AFG2A: variants seen among roughly 807,000 people sequenced by gnomAD.
AFG2A encodes the protein AAA ATPase AFG2A.
chr4:123,211,112 T>G, the AFG2A span, among the ~76,000 whole-genome samples: 1 of 152,206 alleles, frequency 6.6e-6, no homozygotes, highest in Non-Finnish European at 1.5e-5. Context: ...TTATTTAGAA[T>G]TGTACTCAGA....
chr4:123,151,362 T>C, the AFG2A span, among the ~76,000 whole-genome samples: 1 of 152,046 alleles, frequency 6.6e-6, no homozygotes, highest in Non-Finnish European at 1.5e-5. Context: ...ATTTTTACAG[T>C]CTATGCATCT....
the AFG2A span, among the ~76,000 whole-genome samples, chr4:123,020,201 A>G: frequency 2.0e-5 from 3 of 152,080 alleles, no homozygotes; most frequent in Non-Finnish European, 2.9e-5. Context: ...ACACACACAC[A>G]CACATGCACA....
At chr4:123,059,135 TTTTTATTTTA>T in the AFG2A span, among the ~76,000 whole-genome samples, 1 of 138,372 alleles carries the variant, frequency 7.2e-6, no homozygotes, top group African/African-American at 2.6e-5. Flanking sequence ...TTTCTTTTCT[TTTTTATTTTA>T]TTTTATTTTA....
the AFG2A span, among the ~76,000 whole-genome samples, chr4:123,120,567 A>T: frequency 6.6e-6 from 1 of 152,206 alleles, no homozygotes; most frequent in Non-Finnish European, 1.5e-5. Context: ...TTCTAGACAC[A>T]GTCATGTGCT....
the AFG2A span, among the ~76,000 whole-genome samples, chr4:122,951,552 G>A: frequency 6.6e-6 from 1 of 152,142 alleles, no homozygotes; most frequent in Non-Finnish European, 1.5e-5. Context: ...AGGGAGAAAT[G>A]TGTACTGGAG....
the AFG2A span, among the ~76,000 whole-genome samples, chr4:123,235,376 A>G: frequency 6.6e-6 from 1 of 152,332 alleles, no homozygotes; most frequent in Non-Finnish European, 1.5e-5. Context: ...TTTTACTAAT[A>G]TGAATGAATG....
At chr4:123,005,207 A>G in the AFG2A span, among the ~76,000 whole-genome samples, 1 of 151,954 alleles carries the variant, frequency 6.6e-6, no homozygotes, top group Non-Finnish European at 1.5e-5. Context: ...CTGGAGTGCA[A>G]TGGCATGATC....
chr4:123,026,731 A>G, the AFG2A span, among the ~76,000 whole-genome samples: 1 of 152,236 alleles, frequency 6.6e-6, no homozygotes, highest in Non-Finnish European at 1.5e-5. Context: ...ATTCGTTACA[A>G]CATGGGGTCT....
chr4:123,124,203 G>A, the AFG2A span, among the ~76,000 whole-genome samples: 1 of 152,070 alleles, frequency 6.6e-6, no homozygotes, highest in Admixed American at 6.5e-5. Context: ...GTTTATTGCA[G>A]CACTGTTCAC....
chr4:122,936,728 C>T, the AFG2A span, among the ~76,000 whole-genome samples: 2 of 152,110 alleles, frequency 1.3e-5, no homozygotes, highest in African/African-American at 4.8e-5. Context: ...GCCTGTAATC[C>T]CAGCACTTTG....
chr4:123,156,406 A>G, the AFG2A span, among the ~76,000 whole-genome samples: 4 of 152,168 alleles, frequency 2.6e-5, no homozygotes, highest in Non-Finnish European at 5.9e-5. Flanking sequence ...AATTAATGTC[A>G]ATAATAGAAT....
chr4:123,227,545 T>C, the AFG2A span, among the ~76,000 whole-genome samples: 1 of 152,186 alleles, frequency 6.6e-6, no homozygotes, highest in African/African-American at 2.4e-5. Context: ...TAATCCTGAG[T>C]TCTAGTTTGA....
chr4:123,014,420 TC>T, the AFG2A span, among the ~76,000 whole-genome samples: 1 of 152,182 alleles, frequency 6.6e-6, no homozygotes, highest in African/African-American at 2.4e-5. Context: ...TACTTGTTCA[TC>T]TGACAAAAGT....
the AFG2A span, among the ~76,000 whole-genome samples, chr4:123,086,636 C>T: frequency 1.4e-4 from 22 of 152,214 alleles, no homozygotes; most frequent in East Asian, 4.2e-3. Context: ...GTTGCTATTA[C>T]ACATGCTACA....
the AFG2A span, among the ~76,000 whole-genome samples, chr4:123,002,297 C>T: frequency 0.82 from 123,485 of 151,290 alleles, 51,962 homozygotes; most frequent in East Asian, 0.96. Context: ...GCATTTAGTC[C>T]ATTTACATTT....
chr4:122,992,781 T>C, the AFG2A span, among the ~76,000 whole-genome samples: 8 of 152,208 alleles, frequency 5.3e-5, no homozygotes, highest in African/African-American at 1.9e-4. Flanking sequence ...TTAAATGTAA[T>C]GTTTCCTTCT....
chr4:123,153,468 G>A, the AFG2A span, among the ~76,000 whole-genome samples: 17 of 151,938 alleles, frequency 1.1e-4, no homozygotes, highest in Admixed American at 9.2e-4. Flanking sequence ...TTTTTTCTTC[G>A]ACATTTATTT....
the AFG2A span, among the ~76,000 whole-genome samples, chr4:123,088,667 T>G: frequency 6.6e-6 from 1 of 152,082 alleles, no homozygotes; most frequent in Admixed American, 6.6e-5. Context: ...AGTGAGTGAG[T>G]TCTCATGAGA....
the AFG2A span, among the ~76,000 whole-genome samples, chr4:123,122,643 G>T: frequency 6.6e-6 from 1 of 152,070 alleles, no homozygotes. Context: ...ATTAATGAAG[G>T]AAAATACCAG....
Sources: gnomAD v4.1 joint callset for allele counts (sites outside exome capture counted in the v4.1 genomes callset) on GRCh38, gnomAD v4.1.1 for gene constraint, MANE v1.5 for transcripts, NCBI Gene and HGNC (gene_info 2026-07-23, HGNC 2026-07-21) for gene names.